NBEA: variants seen among roughly 807,000 people sequenced by gnomAD.
NBEA encodes the protein neurobeachin.
A neutral mutation model predicts 343.4 loss-of-function variants in NBEA; 44 were observed. The observed-to-expected ratio is 0.13, with a 90% CI of 0.10 to 0.16. NBEA has a LOEUF of 0.16. NBEA is among the 10% of genes least tolerant of loss of function. The pLI is 1.00. For synonymous variants in NBEA, 1,175 were observed against 1,238.7 expected, an observed-to-expected ratio of 0.95 and a Z score of 1.08; for missense variants, 2,555 against 3,631.3, an observed-to-expected ratio of 0.70 and a Z score of 7.62.
At chr13:35,669,799 A>G (rs2085522698) in intron 58 of NBEA, among the ~76,000 whole-genome samples, 1 of 152,196 alleles carries the variant, frequency 6.6e-6, no homozygotes, top group South Asian at 2.1e-4. Context: ...GAGAGCTCAG[A>G]TCCTCATAAT....
At chr13:35,301,458 G>A (rs904318824) in intron 35 of NBEA, among the ~76,000 whole-genome samples, 5 of 152,062 alleles carry the variant, frequency 3.3e-5, no homozygotes, top group South Asian at 4.2e-4. Flanking sequence ...CTGTTTCTGC[G>A]TTAGTTTGCT....
intron 10 of NBEA, among the ~76,000 whole-genome samples, chr13:35,097,098 A>G (rs1266620518): frequency 6.6e-6 from 1 of 151,918 alleles, no homozygotes; most frequent in East Asian, 1.9e-4. Flanking sequence ...TTTTTATAAT[A>G]ATGATAATGA....
chr13:35,360,601 G>A (rs750956776), intron 38 of NBEA, among the ~76,000 whole-genome samples: 13 of 152,022 alleles, frequency 8.6e-5, no homozygotes, highest in Middle Eastern at 3.4e-3. Flanking sequence ...CATCTTCCAT[G>A]AAGTAAAGGT....
intron 41 of NBEA, among the ~76,000 whole-genome samples, chr13:35,481,437 T>G (rs1379197979): frequency 6.6e-6 from 1 of 151,846 alleles, no homozygotes; most frequent in Non-Finnish European, 1.5e-5. Flanking sequence ...ACAGGATGTT[T>G]TCAGTTGTAT....
chr13:35,159,828 T>C lies in NBEA; in HGVS notation c.3657T>C (p.Ser1219=), dbSNP rs1455740648. 6.2e-7 allele frequency: 1 copy of C among 1,610,070 alleles called. No homozygotes were observed. The highest frequency in any genetic ancestry group is 8.5e-7 in the Non-Finnish European group (1 of 1,177,934). ...KIHTTSDGMS[S]ISERDLASST... The stretch of plus-strand genomic sequence containing the variant: ...ATACAACTTCAGATGGAATGAGCAG[T>C]ATTTCTGAAAGAGACTTAGCGTCAT... The change falls in exon 22 of 59, where the codon AGT becomes AGC. Residue 1219 remains serine, a synonymous_variant. Coordinates refer to ENST00000379939, the MANE Select transcript of NBEA (RefSeq NM_001385012.1).
At chr13:35,663,848 G>A (rs916824624) in intron 55 of NBEA, among the ~76,000 whole-genome samples, 1 of 152,192 alleles carries the variant, frequency 6.6e-6, no homozygotes, top group African/African-American at 2.4e-5. Flanking sequence ...TGGCAAACTA[G>A]CATGAGCTGC....
At chr13:35,447,806 A>G (rs1253396808) in intron 39 of NBEA, among the ~76,000 whole-genome samples, 1 of 152,176 alleles carries the variant, frequency 6.6e-6, no homozygotes, top group South Asian at 2.1e-4. Context: ...CACTCAGTCC[A>G]ACATGTCTTC....
chr13:35,191,968 A>G (rs907902769), intron 30 of NBEA, among the ~76,000 whole-genome samples: 2 of 152,070 alleles, frequency 1.3e-5, no homozygotes, highest in East Asian at 1.9e-4. Flanking sequence ...CTCAAAATGT[A>G]TTAGATGAAC....
At chr13:35,236,616 A>ATT (rs553566793) in intron 34 of NBEA, among the ~76,000 whole-genome samples, 11 of 138,674 alleles carry the variant, frequency 7.9e-5, no homozygotes, top group African/African-American at 2.6e-4. Context: ...CCAGATATAT[A>ATT]TTTTTTTTTT....
At chr13:35,311,449 T>C (rs1432368042) in intron 36 of NBEA, among the ~76,000 whole-genome samples, 1 of 152,076 alleles carries the variant, frequency 6.6e-6, no homozygotes, top group Non-Finnish European at 1.5e-5. Context: ...TTTGCTAATA[T>C]CAGAGATTTT....
intron 1 of NBEA, among the ~76,000 whole-genome samples, chr13:34,949,996 T>C (rs1029490502): frequency 2.0e-5 from 3 of 152,196 alleles, no homozygotes; most frequent in African/African-American, 7.2e-5. Flanking sequence ...TCTAATGTTA[T>C]AGATTTCTGA....
Position 35,550,551 on chromosome 13 carries a change from C to T in NBEA, c.6660C>T (p.Tyr2220=). 6.2e-7 allele frequency: 1 copy of T among 1,613,216 alleles called. No homozygotes were observed. The highest frequency in any genetic ancestry group is 8.5e-7 in the Non-Finnish European group (1 of 1,179,400). ...TACGAGCTGTATTTTCAAGACGTTA[C>T]CTTCTACAAAACACTGCTTTGGAAG... ...SEIRAVFSRR[Y]LLQNTALEVF... The change falls in exon 42 of 59, where the codon TAC becomes TAT. Residue 2220 remains tyrosine (Y), a synonymous_variant. Coordinates refer to ENST00000379939, the MANE Select transcript of NBEA (RefSeq NM_001385012.1).
At chr13:35,372,415 C>T (rs1457557482) in intron 38 of NBEA, among the ~76,000 whole-genome samples, 1 of 152,168 alleles carries the variant, frequency 6.6e-6, no homozygotes, top group East Asian at 1.9e-4. Flanking sequence ...AGAGTGATCT[C>T]CAGGCCTCCA....
In NBEA at chr13:35,620,222, T is replaced by A. The variant is rs116012979; in HGVS notation, c.7450-7859T>A. Among the ~76,000 whole-genome samples, 350 of 152,194 alleles carry A rather than the reference T, an allele frequency of 2.3e-3. 2 individuals carry two copies. Among genetic ancestry groups the A allele is most frequent in the African/African-American group, 8.1e-3 (337 of 41,506 alleles). On this transcript the variant is annotated intron_variant, in intron 48 of 58. Transcript: ENST00000379939. ...CAGGCGATAGACAATTTTTTAAAAG[T>A]GAAATATCTAGTATCTTAGAAGGTG...
rs1245177454 is a variant in NBEA at position 35,352,209 on chromosome 13, A to G, written c.6065A>G (p.Asp2022Gly). The part of the protein sequence containing the change: ...ADRREEEKMC[D>G]HLISAAKHRD... ...AGAAGAGAGGAAGAAAAGATGTGTG[A>G]CCATCTTATCAGTGCTGCTAAACAT... Residue 2022 changes from aspartate to glycine, a missense_variant, in exon 38 of 59, where the codon GAC (aspartate) becomes GGC (glycine). Physicochemically the swap from Asp to Gly is moderately conservative, Grantham distance 94. Coordinates refer to ENST00000379939, the MANE Select transcript of NBEA (RefSeq NM_001385012.1). 3 of 1,544,904 alleles carry G rather than the reference A, an allele frequency of 1.9e-6. No homozygotes were observed. Among genetic ancestry groups the G allele is most frequent in the South Asian group, 1.2e-5 (1 of 80,122 alleles).
intron 1 of NBEA, among the ~76,000 whole-genome samples, chr13:34,965,263 G>A (rs1288587009): frequency 1.3e-5 from 2 of 152,012 alleles, no homozygotes; most frequent in Middle Eastern, 3.2e-3. Flanking sequence ...TCTAATAAGA[G>A]AGACTAATGT....
intron 29 of NBEA, among the ~76,000 whole-genome samples, chr13:35,183,095 G>A (rs2071428579): frequency 6.6e-6 from 1 of 151,896 alleles, no homozygotes; most frequent in African/African-American, 2.4e-5. Context: ...AACCACCTTG[G>A]GTCATGCTGC....
intron 45 of NBEA, among the ~76,000 whole-genome samples, chr13:35,569,579 C>G (rs2080297983): frequency 6.6e-6 from 1 of 152,048 alleles, no homozygotes; most frequent in South Asian, 2.1e-4. Flanking sequence ...GTTGTTCAGT[C>G]AACAAATATT....
At chr13:35,473,056 C>A (rs2075723342) in intron 41 of NBEA, among the ~76,000 whole-genome samples, 1 of 152,160 alleles carries the variant, frequency 6.6e-6, no homozygotes, top group African/African-American at 2.4e-5. Context: ...GCAACTGATT[C>A]TCTGAGCTTT....
Sources: allele counts gnomAD v4.1 joint callset (sites outside exome capture counted in the v4.1 genomes callset), GRCh38; gene constraint gnomAD v4.1.1; transcripts MANE v1.5; gene names NCBI Gene and HGNC (gene_info 2026-07-23, HGNC 2026-07-21).